The following SYT16 variants were observed in gnomAD, a reference collection of about 807,000 sequenced individuals.
SYT16 encodes synaptotagmin-16.
A neutral mutation model predicts 61.4 loss-of-function variants in SYT16; 42 were observed. That is an observed-to-expected ratio of 0.68 (90% CI 0.53 to 0.89). The LOEUF is 0.89. Ranked by LOEUF, SYT16 falls within the 40% of genes least tolerant of loss-of-function variation. The pLI is 0.00. For missense variants in SYT16, 804 were observed against 807.3 expected (o/e 1.00, Z 0.05); for synonymous variants, 314 against 302.3 (o/e 1.04, Z -0.40).
intron 1 of SYT16, among the ~76,000 whole-genome samples, chr14:61,900,924 A>G (rs565173267): frequency 6.6e-6 from 1 of 152,328 alleles, no homozygotes; most frequent in African/African-American, 2.4e-5. Context: ...AAGAAGGTGG[A>G]CTGGATGCCA....
chr14:62,000,560 G>A (rs1255785857), intron 3 of SYT16, among the ~76,000 whole-genome samples: 2 of 151,764 alleles, frequency 1.3e-5, no homozygotes, highest in African/African-American at 4.8e-5. Flanking sequence ...TGTTGATATT[G>A]CTGAATTAAA....
intron 2 of SYT16, among the ~76,000 whole-genome samples, chr14:61,987,503 G>C (rs2052364213): frequency 6.6e-6 from 1 of 152,182 alleles, no homozygotes; most frequent in African/African-American, 2.4e-5. Flanking sequence ...AAATAATGGT[G>C]ACTTGGACTC....
chr14:61,879,437 T>A (rs118140645), intron 1 of SYT16, among the ~76,000 whole-genome samples: 10 of 152,298 alleles, frequency 6.6e-5, no homozygotes, highest in African/African-American at 2.4e-4. Context: ...CTTAGCACTT[T>A]TGACAAGCAA....
rs141642811 is a variant in SYT16, at chr14:61,904,624, CTG to C, written c.-324-65504_-324-65503del. Among the ~76,000 whole-genome samples, 1,280 of 152,292 alleles carry C rather than the reference CTG, an allele frequency of 8.4e-3. 8 individuals carry two copies. Among genetic ancestry groups the C allele is most frequent in the Non-Finnish European group, 0.013 (889 of 68,010 alleles). On this transcript the variant is annotated intron_variant, in intron 1 of 7. Coordinates refer to ENST00000683842, the MANE Select transcript of SYT16 (RefSeq NM_001367656.1). ...GGGAGCTACCAAGGAAAGAGTAAATCTGTGTATCTTTGAACACTGACTTTCTA... is the reference window on the plus strand; with the variant it reads ...GGGAGCTACCAAGGAAAGAGTAAATCTGTATCTTTGAACACTGACTTTCTA...
At chr14:61,840,968 T>A (rs1162186989) in intron 1 of SYT16, among the ~76,000 whole-genome samples, 2 of 152,092 alleles carry the variant, frequency 1.3e-5, no homozygotes, top group African/African-American at 4.8e-5. Context: ...GAAGAAATAA[T>A]CAACGGAACA....
At chr14:61,966,145 CA>C (rs1270720074) in intron 1 of SYT16, among the ~76,000 whole-genome samples, 2 of 151,196 alleles carry the variant, frequency 1.3e-5, no homozygotes, top group African/African-American at 2.4e-5. Context: ...TTGTTATTAA[CA>C]AAAATGTTTC....
At position 61,816,558 on chromosome 14, in the gene SYT16, ATAAT is replaced by A. The variant is rs559135252; in HGVS notation, c.-325+3754_-325+3757del. ...TTACTACTTTGAAACCATCATAGCA[ATAAT>A]TAATTCAAGCAAGATTCATCCATGG... is the stretch of plus-strand genomic sequence containing the variant. On this transcript the variant is annotated intron_variant, in intron 1 of 7. Transcript: ENST00000683842. Among the ~76,000 whole-genome samples the A allele has an allele frequency of 1.6e-3, 243 of 152,336 alleles. No homozygotes were observed. In the Middle Eastern group the frequency reaches 0.02, roughly 13 times the overall value.
rs191615061 is a variant in SYT16 at position 61,860,114 on chromosome 14, G to A, written c.-325+47304G>A. 2.7e-3 allele frequency among the ~76,000 whole-genome samples: 415 copies of A among 152,164 alleles called. 3 individuals carry two copies. The highest frequency in any genetic ancestry group is 9.7e-3 in the African/African-American group (404 of 41,512). ...TTTTAATGGTTCCACCTTGAAATAG[G>A]TAACAATCTTTGGAAAAAGTCACTC... is the stretch of plus-strand genomic sequence containing the variant. On this transcript the variant is annotated intron_variant, in intron 1 of 7. Coordinates refer to ENST00000683842, the MANE Select transcript of SYT16 (RefSeq NM_001367656.1).
intron 1 of SYT16, among the ~76,000 whole-genome samples, chr14:61,965,160 G>A (rs1224007068): frequency 6.6e-6 from 1 of 152,128 alleles, no homozygotes. Context: ...GAATTGCTGA[G>A]TTACATTTGG....
chr14:62,032,314 AC>A (rs1188987023), intron 3 of SYT16, among the ~76,000 whole-genome samples: 2 of 152,058 alleles, frequency 1.3e-5, no homozygotes, highest in African/African-American at 4.8e-5. Flanking sequence ...CTATGGTAAA[AC>A]CATTTAGTCT....
chr14:61,963,118 A>G (rs950246153), intron 1 of SYT16, among the ~76,000 whole-genome samples: 3 of 152,106 alleles, frequency 2.0e-5, no homozygotes, highest in Non-Finnish European at 2.9e-5. Context: ...CCCTCTCCTC[A>G]GGCCTTCCTA....
At chr14:61,955,315 A>G (rs1424414167) in intron 1 of SYT16, among the ~76,000 whole-genome samples, 1 of 152,098 alleles carries the variant, frequency 6.6e-6, no homozygotes, top group Admixed American at 6.6e-5. Flanking sequence ...CATAAAATCT[A>G]TCCTTTTAGC....
chr14:61,877,007 A>G lies in SYT16; in HGVS notation c.-325+64197A>G, dbSNP rs577241938. Among the ~76,000 whole-genome samples the G allele has an allele frequency of 2.0e-5, 3 of 152,154 alleles. No individual in the cohort carries two copies. In the East Asian group the frequency reaches 5.8e-4, roughly 29 times the overall value. ...AAAGCACCTCTTTTCTCCTCCTGGCAGGGGTTGTTTTTCTCATCAGACCTC... is the reference window on the plus strand; with the variant it reads ...AAAGCACCTCTTTTCTCCTCCTGGCGGGGGTTGTTTTTCTCATCAGACCTC... On this transcript the variant is annotated intron_variant, in intron 1 of 7. Coordinates refer to ENST00000683842, the MANE Select transcript of SYT16 (RefSeq NM_001367656.1).
In SYT16 at chr14:62,075,022, T is replaced by C. The variant is rs148806133; in HGVS notation, c.737-113T>C. On this transcript the variant is annotated intron_variant, in intron 4 of 7. Transcript: ENST00000683842. Reference sequence around the variant, plus strand: ...ATTATGTTTCTGCAGGTATTATTGGTATGGGTTCTGTTTCTGCAATCTTGA... The same window carrying C: ...ATTATGTTTCTGCAGGTATTATTGGCATGGGTTCTGTTTCTGCAATCTTGA... The C allele has an allele frequency of 1.3e-4, 149 of 1,148,390 alleles. No homozygotes were observed. The East Asian group carries it at 3.8e-3, about 29-fold the overall frequency. 71.1% of individuals were successfully genotyped at this position (1,148,390 alleles called of 1,614,324 possible).
intron 3 of SYT16, among the ~76,000 whole-genome samples, chr14:62,050,029 A>G (rs1402679892): frequency 1.3e-5 from 2 of 152,088 alleles, no homozygotes; most frequent in Non-Finnish European, 2.9e-5. Flanking sequence ...GCCTTGCTAG[A>G]TTTGGGAAGT....
chr14:61,931,719 G>A (rs1330677814), intron 1 of SYT16, among the ~76,000 whole-genome samples: 4 of 151,910 alleles, frequency 2.6e-5, no homozygotes, highest in South Asian at 2.1e-4. Context: ...TGCTGTATCC[G>A]TGTGTACATC....
chr14:62,062,577 T>C (rs534997945), intron 3 of SYT16, among the ~76,000 whole-genome samples: 9 of 152,324 alleles, frequency 5.9e-5, no homozygotes, highest in African/African-American at 2.2e-4. Flanking sequence ...TAAAACTCTT[T>C]TCCTAACTTG....
intron 5 of SYT16, chr14:62,079,464 C>T (rs1180246516): frequency 1.6e-6 from 1 of 619,418 alleles, no homozygotes. Flanking sequence ...GAAAATAGAA[C>T]ATGGAAAGGA....
chr14:61,907,713 T>G (rs2048777031), intron 1 of SYT16, among the ~76,000 whole-genome samples: 1 of 152,228 alleles, frequency 6.6e-6, no homozygotes, highest in African/African-American at 2.4e-5. Flanking sequence ...GGCAATGACA[T>G]GCCATCAGTT....
Sources: allele counts gnomAD v4.1 joint callset (sites outside exome capture counted in the v4.1 genomes callset), GRCh38; gene constraint gnomAD v4.1.1; transcripts MANE v1.5; gene names NCBI Gene and HGNC (gene_info 2026-07-23, HGNC 2026-07-21).